MMAA: variants seen among roughly 807,000 people sequenced by gnomAD.
MMAA encodes the protein metabolism of cobalamin associated A.
A neutral mutation model predicts 45.0 loss-of-function variants in MMAA; 41 were observed. The ratio of observed to expected loss-of-function variants is 0.91; its 90% confidence interval spans 0.71 to 1.18. The LOEUF is 1.18. Among genes scored for constraint, MMAA ranks in the 50% most tolerant of loss-of-function variants. The pLI is 0.00. For synonymous variants in MMAA, 154 were observed against 178.2 expected (o/e 0.86, Z 1.08); for missense variants, 460 against 495.7 (o/e 0.93, Z 0.68).
chr4:145,639,674 G>A (rs1343071808), intron 2 of MMAA, 96 bp downstream of exon 2: 56 of 1,473,874 alleles, frequency 3.8e-5, no homozygotes, highest in Non-Finnish European at 4.8e-5. Flanking sequence ...CAATCGAATG[G>A]CGACTTTTTT....
At chr4:145,620,077 T>A (rs1436919451) in intron 1 of MMAA, among the ~76,000 whole-genome samples, 1 of 152,246 alleles carries the variant, frequency 6.6e-6, no homozygotes, top group Non-Finnish European at 1.5e-5. Context: ...AAACATAAAC[T>A]AATAAAACTT....
At chr4:145,647,779 T>A (rs984564982) in intron 4 of MMAA, among the ~76,000 whole-genome samples, 1 of 152,202 alleles carries the variant, frequency 6.6e-6, no homozygotes, top group Non-Finnish European at 1.5e-5. Context: ...ATTTAATTGC[T>A]TCTTTCAAGG....
In MMAA at chr4:145,654,058, T is replaced by C. The variant is rs777773616; in HGVS notation, c.884T>C (p.Leu295Ser). 6.2e-7 allele frequency: 1 copy of C among 1,614,126 alleles called. No individual in the cohort carries two copies. Among genetic ancestry groups the C allele is most frequent in the South Asian group, 1.1e-5 (1 of 91,080 alleles). The change falls in exon 6 of 7, where the codon TTG becomes TCG. Residue 295 changes from leucine (L) to serine (S), a missense_variant. By Grantham distance (145) the Leu-to-Ser change is moderately radical. Coordinates refer to ENST00000649156, the MANE Select transcript of MMAA (RefSeq NM_172250.3). ...GCTGTAACTAAATCTGATGGAGACTTGATTGTGCCAGCTCGAAGGATACAA... is the reference window on the plus strand; with the variant it reads ...GCTGTAACTAAATCTGATGGAGACTCGATTGTGCCAGCTCGAAGGATACAA... ...LVAVTKSDGD[L>S]IVPARRIQAE...
chr4:145,633,490 A>G (rs1314215276), intron 1 of MMAA, among the ~76,000 whole-genome samples: 1 of 152,156 alleles, frequency 6.6e-6, no homozygotes, highest in Non-Finnish European at 1.5e-5. Flanking sequence ...GAGCTACCAC[A>G]TTCAGTCGTG....
chr4:145,642,406 A>G lies in MMAA; in HGVS notation c.483A>G (p.Glu161=). The part of the protein sequence containing the change: ...PPGAGKSTFI[E]YFGKMLTERG... ...GTGCTGGAAAATCAACATTTATAGA[A>G]TATTTTGGAAAAATGCTTACTGAGA... Residue 161 remains glutamate, a synonymous_variant, in exon 3 of 7, where the codon GAA becomes GAG. Coordinates refer to ENST00000649156, the MANE Select transcript of MMAA (RefSeq NM_172250.3). The G allele has an allele frequency of 6.2e-7, 1 of 1,614,172 alleles. No homozygotes were observed. Among genetic ancestry groups the G allele is most frequent in the Non-Finnish European group, 8.5e-7 (1 of 1,180,008 alleles).
At chr4:145,637,739 G>A (rs1244342304) in intron 1 of MMAA, among the ~76,000 whole-genome samples, 1 of 152,094 alleles carries the variant, frequency 6.6e-6, no homozygotes, top group Non-Finnish European at 1.5e-5. Flanking sequence ...TTTGCTACTG[G>A]AAGAATTATT....
intron 1 of MMAA, among the ~76,000 whole-genome samples, chr4:145,622,875 G>C (rs920807841): frequency 4.6e-5 from 7 of 152,118 alleles, no homozygotes; most frequent in African/African-American, 1.7e-4. Flanking sequence ...TTTCAGCTGT[G>C]GTTCAGAGAA....
chr4:145,645,407 T>A (rs1011848379), intron 3 of MMAA, among the ~76,000 whole-genome samples: 6 of 152,186 alleles, frequency 3.9e-5, no homozygotes, highest in Admixed American at 3.9e-4. Context: ...TATTAACGGT[T>A]TTTGAAGCAC....
chr4:145,624,417 G>A (rs1734154438), intron 1 of MMAA: 2 of 783,714 alleles, frequency 2.6e-6, no homozygotes, highest in Non-Finnish European at 4.5e-6. Flanking sequence ...ACACCAGGAA[G>A]TGCTCATGGG....
chr4:145,639,348 C>T lies in MMAA; in HGVS notation c.209C>T (p.Thr70Ile), dbSNP rs767748129. Residue 70 changes from threonine (T) to isoleucine (I), a missense_variant, in exon 2 of 7, where the codon ACC becomes ATC. Coordinates refer to ENST00000649156, the MANE Select transcript of MMAA (RefSeq NM_172250.3). Reference protein sequence around the residue: ...GLKRKLCVQTTLKDHTEGLSD... With the variant: ...GLKRKLCVQTILKDHTEGLSD... ...AAGAGAAAATTATGTGTACAAACAA[C>T]CTTAAAGGACCACACAGAAGGACTT... 1 of 1,614,088 alleles carries T rather than the reference C, an allele frequency of 6.2e-7. No individual in the cohort carries two copies. Among genetic ancestry groups the T allele is most frequent in the Non-Finnish European group, 8.5e-7 (1 of 1,180,026 alleles).
intron 1 of MMAA, among the ~76,000 whole-genome samples, chr4:145,620,891 AT>A (rs1354697049): frequency 6.6e-6 from 1 of 152,132 alleles, no homozygotes; most frequent in Non-Finnish European, 1.5e-5. Context: ...CCTTAGAGGA[AT>A]TTTGGAAAGG....
chr4:145,650,280 GA>G (rs1728055273), intron 4 of MMAA: 2 of 152,246 alleles, frequency 1.3e-5, no homozygotes, highest in South Asian at 4.1e-4. Context: ...AAGTGGAAAG[GA>G]ATGAGAGATT....
intron 1 of MMAA, chr4:145,625,700 T>C: frequency 6.8e-7 from 1 of 1,463,630 alleles, no homozygotes; most frequent in Non-Finnish European, 9.6e-7. Context: ...TGGCTAGATC[T>C]TTGTTTTGGG....
intron 1 of MMAA, among the ~76,000 whole-genome samples, chr4:145,627,475 T>C (rs1734228128): frequency 6.6e-6 from 1 of 151,888 alleles, no homozygotes; most frequent in Non-Finnish European, 1.5e-5. Context: ...AAAAAAAAAA[T>C]TGGAAGGTTA....
intron 6 of MMAA, among the ~76,000 whole-genome samples, chr4:145,654,552 T>C (rs943053924): frequency 1.3e-5 from 2 of 152,238 alleles, no homozygotes; most frequent in African/African-American, 4.8e-5. Context: ...GTAATATTGA[T>C]GTGGTCATCT....
In MMAA at chr4:145,646,110, G is replaced by C; in HGVS notation, c.687G>C (p.Leu229=). 1 of 1,614,128 alleles carries C rather than the reference G, an allele frequency of 6.2e-7. No individual in the cohort carries two copies. The highest frequency in any genetic ancestry group is 1.6e-4 in the Middle Eastern group (1 of 6,062). ...GVTRTTNEAI[L]LCEGAGYDII... ...CAAGGACCACAAATGAAGCTATTCT[G>C]TTGTGTGAAGGAGCGGGATATGACA... The change falls in exon 4 of 7, where the codon CTG becomes CTC. Residue 229 remains leucine, a synonymous_variant. Coordinates refer to ENST00000649156, the MANE Select transcript of MMAA (RefSeq NM_172250.3).
At chr4:145,641,782 G>A (rs759306055) in intron 2 of MMAA, among the ~76,000 whole-genome samples, 12 of 152,116 alleles carry the variant, frequency 7.9e-5, no homozygotes, top group Admixed American at 5.2e-4. Flanking sequence ...TGCTCTTACC[G>A]GCCGTGCACT....
intron 1 of MMAA, among the ~76,000 whole-genome samples, chr4:145,634,011 C>T (rs367670427): frequency 4.6e-4 from 70 of 152,338 alleles, no homozygotes; most frequent in African/African-American, 1.7e-3. Flanking sequence ...TGGGTCAGAC[C>T]TGAGTCCAAC....
At chr4:145,625,779 T>C in intron 1 of MMAA, 2 of 1,211,186 alleles carry the variant, frequency 1.7e-6, no homozygotes, top group Non-Finnish European at 2.5e-6. Context: ...AGCCTGCTGT[T>C]GAATTGTCTC....
Sources: allele counts gnomAD v4.1 joint callset (sites outside exome capture counted in the v4.1 genomes callset), GRCh38; gene constraint gnomAD v4.1.1; transcripts MANE v1.5; gene names NCBI Gene and HGNC (gene_info 2026-07-23, HGNC 2026-07-21).